Variants in TRIM38 observed in about 807,000 individuals in gnomAD.
The protein encoded by TRIM38 is tripartite motif containing 38.
A neutral mutation model predicts 35.8 loss-of-function variants in TRIM38; 35 were observed. The ratio of observed to expected loss-of-function variants is 0.98; its 90% CI spans 0.75 to 1.30. The LOEUF is 1.30. Among genes scored for constraint, TRIM38 ranks in the 50% most tolerant of loss-of-function variants. TRIM38 has a pLI of 0.00. For missense variants in TRIM38, 545 were observed against 556.9 expected (o/e 0.98, Z 0.21); for synonymous variants, 198 against 204.7 (o/e 0.97, Z 0.28).
In TRIM38 at chr6:25,983,249, G is replaced by A. The variant is rs866253057; in HGVS notation, c.960G>A (p.Gln320=). The A allele has an allele frequency of 1.1e-5, 18 of 1,614,038 alleles. No homozygotes were observed. In the African/African-American group the frequency reaches 2.1e-4, roughly 19 times the overall value. The change falls in exon 8 of 8, where the codon CAG becomes CAA. Residue 320 remains glutamine, a synonymous_variant. Transcript: ENST00000357085. ...DRRQVTRGYT[Q]ENQDTSSRRF... is the part of the protein sequence containing the mutation. ...GACAAGTGACTCGTGGATACACCCA[G>A]GAGAATCAGGACACATCTTCCAGGA... is the stretch of plus-strand genomic sequence containing the variant.
intron 4 of TRIM38, among the ~76,000 whole-genome samples, chr6:25,970,219 A>C (rs746306182): frequency 6.6e-6 from 1 of 152,116 alleles, no homozygotes; most frequent in Non-Finnish European, 1.5e-5. Context: ...CCCGGCCTAT[A>C]CTTGATTTAT....
At chr6:25,977,148 C>T (rs986966156) in intron 7 of TRIM38, among the ~76,000 whole-genome samples, 1 of 152,160 alleles carries the variant, frequency 6.6e-6, no homozygotes, top group Non-Finnish European at 1.5e-5. Context: ...ATTAAGTAGA[C>T]ACATTTTCCT....
chr6:25,967,627 CT>C (rs1760101773), intron 3 of TRIM38, among the ~76,000 whole-genome samples: 2 of 140,830 alleles, frequency 1.4e-5, no homozygotes, highest in Non-Finnish European at 3.0e-5. Context: ...CCTCAACCTT[CT>C]GGGGCTCAAG....
At chr6:25,978,841 T>C (rs1760469859) in intron 7 of TRIM38, among the ~76,000 whole-genome samples, 1 of 152,158 alleles carries the variant, frequency 6.6e-6, no homozygotes. Flanking sequence ...TAATTTTTCA[T>C]ATTTTTTGTA....
rs992396542 is a variant in TRIM38 at position 25,988,312 on chromosome 6, T to C, written c.*4625T>C. On this transcript the variant is annotated 3_prime_UTR_variant, in exon 8 of 8. Coordinates refer to ENST00000357085, the MANE Select transcript of TRIM38 (RefSeq NM_006355.5). ...CAGTAAAAGTTGCTAACACCACCAC[T>C]TCACCCTTGAATTCTTCCCGGGCTA... 1 of 152,074 alleles carries C rather than the reference T, an allele frequency of 6.6e-6. No homozygotes were observed. The highest frequency in any genetic ancestry group is 1.5e-5 in the Non-Finnish European group (1 of 68,114). 9.4% of individuals were successfully genotyped at this position (152,074 alleles called of 1,614,324 possible). A position where few individuals can be genotyped will look rare whatever the true frequency, so the allele number is the denominator to read the frequency against.
At position 25,986,266 on chromosome 6, in the gene TRIM38, C is replaced by T. The variant is rs1470344177; in HGVS notation, c.*2579C>T. On this transcript the variant is annotated 3_prime_UTR_variant, in exon 8 of 8. Coordinates refer to ENST00000357085, the MANE Select transcript of TRIM38 (RefSeq NM_006355.5). The stretch of plus-strand genomic sequence containing the variant: ...GAGCAGCCAGGCATGGTGGCTCACA[C>T]CTGTAATCCTGTCACTTTGGGAGGC... 1 of 152,186 alleles carries T rather than the reference C, an allele frequency of 6.6e-6. No homozygotes were observed. Among genetic ancestry groups the T allele is most frequent in the African/African-American group, 2.4e-5 (1 of 41,450 alleles). The allele number at this position is 152,186 out of a possible 1,614,324, so 9.4% of individuals were successfully genotyped here.
rs1268655365 is a variant in TRIM38, at chr6:25,987,548, T to C, written c.*3861T>C. On this transcript the variant is annotated 3_prime_UTR_variant, in exon 8 of 8. Coordinates refer to ENST00000357085, the MANE Select transcript of TRIM38 (RefSeq NM_006355.5). ...GAGCCCACCTCCAAAGACCATCACA[T>C]TGAATGTGAGAGTTTCTACATATGC... is the stretch of plus-strand genomic sequence containing the variant. 1 of 152,170 alleles carries C rather than the reference T, an allele frequency of 6.6e-6. No homozygotes were observed. The highest frequency in any genetic ancestry group is 1.5e-5 in the Non-Finnish European group (1 of 68,034). The allele number at this position is 152,170 out of a possible 1,614,324, so 9.4% of individuals were successfully genotyped here.
chr6:25,971,229 C>T lies in TRIM38; in HGVS notation c.508-640C>T, dbSNP rs560223859. ...TTTCACAATTAAATTATCTAGCACT[C>T]CTAACCCAGCTTTCTCCTGTGTCTT... On this transcript the variant is annotated intron_variant, in intron 4 of 7. Coordinates refer to ENST00000357085, the MANE Select transcript of TRIM38 (RefSeq NM_006355.5). Among the ~76,000 whole-genome samples the T allele has an allele frequency of 2.0e-5, 3 of 152,282 alleles. No homozygotes were observed. The South Asian group carries it at 6.2e-4, about 32-fold the overall frequency.
In TRIM38 at chr6:25,973,240, T is replaced by C; in HGVS notation, c.829T>C (p.Ser277Pro). The C allele has an allele frequency of 6.2e-7, 1 of 1,614,164 alleles. No individual in the cohort carries two copies. The change falls in exon 7 of 8, where the codon TCC becomes CCC. Residue 277 changes from serine (S) to proline (P), a missense_variant. Physicochemically the swap from Ser to Pro is moderately conservative, Grantham distance 74 (BLOSUM62 -1). Transcript: ENST00000357085. ...GGAACTTCATACTATGTGCAATGTTTCCAAGCTTTACTTCGATGTGAAGAA... is the reference window on the plus strand; with the variant it reads ...GGAACTTCATACTATGTGCAATGTTCCCAAGCTTTACTTCGATGTGAAGAA... ...SLELHTMCNV[S>P]KLYFDVKKML...
chr6:25,973,847 T>C (rs1424036839), intron 7 of TRIM38: 1 of 985,328 alleles, frequency 1.0e-6, no homozygotes, highest in Non-Finnish European at 1.2e-6. Context: ...AACCATTTAC[T>C]GAGTTTCCTG....
rs1760816541 is a variant in TRIM38, at chr6:25,991,021, C to T, written c.*7334C>T. On this transcript the variant is annotated 3_prime_UTR_variant, in exon 8 of 8. Transcript: ENST00000357085. ...CTGTCATATTCCGGGCATCGGGTGT[C>T]CCCATCCTCACTTCAGTCCACAGGC... is the stretch of plus-strand genomic sequence containing the variant. The T allele has an allele frequency of 1.3e-5, 2 of 152,226 alleles. No homozygotes were observed. The highest frequency in any genetic ancestry group is 2.4e-5 in the African/African-American group (1 of 41,440). 9.4% of individuals were successfully genotyped at this position (152,226 alleles called of 1,614,324 possible). A position where few individuals can be genotyped will look rare whatever the true frequency, so the allele number is the denominator to read the frequency against.
At position 25,985,626 on chromosome 6, in the gene TRIM38, C is replaced by T. The variant is rs547197379; in HGVS notation, c.*1939C>T. On this transcript the variant is annotated 3_prime_UTR_variant, in exon 8 of 8. Coordinates refer to ENST00000357085, the MANE Select transcript of TRIM38 (RefSeq NM_006355.5). ...GCCAGTTGCACTTGTTCTATATACC[C>T]GTAGTCTCGGTATGCTGACCCAGAC... 1.1e-4 allele frequency: 16 copies of T among 152,294 alleles called. No homozygotes were observed. Among genetic ancestry groups the T allele is most frequent in the African/African-American group, 3.6e-4 (15 of 41,568 alleles). 9.4% of individuals were successfully genotyped at this position (152,294 alleles called of 1,614,324 possible).
chr6:25,973,099 A>G, intron 6 of TRIM38, 23 bp downstream of exon 6: 1 of 1,614,048 alleles, frequency 6.2e-7, no homozygotes, highest in Non-Finnish European at 8.5e-7. Flanking sequence ...TGAATGCAGG[A>G]GGGGAGGGGT....
Position 25,983,256 on chromosome 6 carries a change from C to A in TRIM38, c.967C>A (p.Gln323Lys), listed in dbSNP as rs1053471328. The A allele has an allele frequency of 6.2e-7, 1 of 1,614,034 alleles. No homozygotes were observed. Among genetic ancestry groups the A allele is most frequent in the Admixed American group, 1.7e-5 (1 of 60,000 alleles). ...QVTRGYTQEN[Q>K]DTSSRRFTAF... ...GACTCGTGGATACACCCAGGAGAAT[C>A]AGGACACATCTTCCAGGAGATTTAC... The change falls in exon 8 of 8, where the codon CAG (glutamine) becomes AAG (lysine). Residue 323 changes from glutamine (Q) to lysine (K), a missense_variant. Transcript: ENST00000357085.
Position 25,983,549 on chromosome 6 carries a change from C to T in TRIM38, c.1260C>T (p.Ala420=), listed in dbSNP as rs17528178. 116,928 of 1,613,868 alleles carry T rather than the reference C, an allele frequency of 0.072. 5,204 individuals carry two copies. The highest frequency in any genetic ancestry group is 0.089 in the Non-Finnish European group (104,716 of 1,179,930). The stretch of plus-strand genomic sequence containing the variant: ...TGGGAATTTTTCTGGACTATGAGGC[C>T]GGAGTTGTATCCTTTTATAACGGGA... ...LLVGIFLDYE[A]GVVSFYNGNT... is the part of the protein sequence containing the mutation. The change falls in exon 8 of 8, where the codon GCC becomes GCT. Residue 420 remains alanine, a synonymous_variant. Transcript: ENST00000357085.
intron 2 of TRIM38, among the ~76,000 whole-genome samples, chr6:25,965,725 C>T (rs1037691080): frequency 1.6e-5 from 1 of 61,452 alleles, no homozygotes; most frequent in Non-Finnish European, 3.2e-5. Flanking sequence ...AGAGATCGAG[C>T]CAACCAACAT....
Position 25,976,834 on chromosome 6 carries a change from T to A in TRIM38, c.874+3549T>A, listed in dbSNP as rs192121524. The stretch of plus-strand genomic sequence containing the variant: ...CAAGCAATATAAGAGCTCTCACTCC[T>A]CCAAAACTCCCTGAGTCTTTACTTA... On this transcript the variant is annotated intron_variant, in intron 7 of 7. Transcript: ENST00000357085. 3.9e-5 allele frequency among the ~76,000 whole-genome samples: 6 copies of A among 152,352 alleles called. 1 individual carries two copies. The highest frequency in any genetic ancestry group is 3.9e-4 in the Admixed American group (6 of 15,312).
At chr6:25,980,747 A>C (rs1760522098) in intron 7 of TRIM38, among the ~76,000 whole-genome samples, 2 of 152,162 alleles carry the variant, frequency 1.3e-5, no homozygotes, top group Non-Finnish European at 2.9e-5. Context: ...TAATGCTCTG[A>C]CTTAATATCT....
At position 25,984,392 on chromosome 6, in the gene TRIM38, T is replaced by C. The variant is rs1204127799; in HGVS notation, c.*705T>C. The C allele has an allele frequency of 6.6e-6, 1 of 152,354 alleles. No individual in the cohort carries two copies. The highest frequency in any genetic ancestry group is 2.4e-5 in the African/African-American group (1 of 41,444). The allele number at this position is 152,354 out of a possible 1,614,324, so 9.4% of individuals were successfully genotyped here. A position where few individuals can be genotyped will look rare whatever the true frequency, so the allele number is the denominator to read the frequency against. Reference sequence around the variant, plus strand: ...AATATTTTAAAATCTCAGTAAATAGTTATTGCTGAAATGGCTGTTGGCAGT... The same window carrying C: ...AATATTTTAAAATCTCAGTAAATAGCTATTGCTGAAATGGCTGTTGGCAGT... On this transcript the variant is annotated 3_prime_UTR_variant, in exon 8 of 8. Transcript: ENST00000357085.
Sources: gnomAD v4.1 joint callset for allele counts (sites outside exome capture counted in the v4.1 genomes callset) on GRCh38, gnomAD v4.1.1 for gene constraint, MANE v1.5 for transcripts, NCBI Gene and HGNC (gene_info 2026-07-23, HGNC 2026-07-21) for gene names.